Variants in WDR70 observed in about 807,000 individuals in gnomAD.
WDR70 encodes the protein WD repeat domain 70, also known as WD repeat-containing protein 70.
In WDR70, 53 loss-of-function variants were observed where a neutral mutation model predicts 88.6. The observed-to-expected ratio is 0.60, with a 90% CI of 0.48 to 0.75. The LOEUF (loss-of-function observed/expected upper bound fraction) is 0.75, where lower values mean the gene tolerates loss of function less well. Among genes scored for constraint, WDR70 ranks in the 30% least tolerant of loss-of-function variants. The pLI, the probability that WDR70 is intolerant of heterozygous loss-of-function variation, is 0.00. For missense variants in WDR70, 610 were observed against 823.2 expected (o/e 0.74, Z 3.17); for synonymous variants, 280 against 270.0 (o/e 1.04, Z -0.36).
intron 9 of WDR70, among the ~76,000 whole-genome samples, chr5:37,531,807 T>G (rs1741496917): frequency 6.8e-6 from 1 of 148,120 alleles, no homozygotes; most frequent in African/African-American, 2.5e-5. Context: ...TGCTATTTGT[T>G]GCCTGAATAC....
chr5:37,441,750 AG>A (rs1214445033), intron 6 of WDR70, among the ~76,000 whole-genome samples: 2 of 142,086 alleles, frequency 1.4e-5, no homozygotes, highest in African/African-American at 6.2e-5. Context: ...CCCAGCAGGC[AG>A]AAGTTGCAGT....
intron 17 of WDR70, among the ~76,000 whole-genome samples, chr5:37,749,196 TG>T: frequency 6.6e-6 from 1 of 152,280 alleles, no homozygotes; most frequent in Non-Finnish European, 1.5e-5. Context: ...AGCAAAGACA[TG>T]GAACTAACCC....
intron 9 of WDR70, among the ~76,000 whole-genome samples, chr5:37,560,951 A>G (rs1435186789): frequency 6.6e-6 from 1 of 151,830 alleles, no homozygotes; most frequent in Admixed American, 6.6e-5. Flanking sequence ...AGCTAGGACT[A>G]TAGGTGCAGA....
chr5:37,471,552 T>C (rs1739327357), intron 7 of WDR70, among the ~76,000 whole-genome samples: 1 of 151,870 alleles, frequency 6.6e-6, no homozygotes, highest in African/African-American at 2.4e-5. Flanking sequence ...TCACTCGCAA[T>C]TTTTGGCTTG....
intron 10 of WDR70, among the ~76,000 whole-genome samples, chr5:37,670,427 G>A (rs538198649): frequency 2.7e-4 from 41 of 152,220 alleles, no homozygotes; most frequent in African/African-American, 9.2e-4. Context: ...AGCAAGTCGC[G>A]TGTCCATACC....
intron 8 of WDR70, among the ~76,000 whole-genome samples, chr5:37,485,858 A>ATTTTTTTTTTTTTTTTTTTTTTTTTT (rs57109943): frequency 2.8e-5 from 3 of 108,284 alleles, no homozygotes; most frequent in African/African-American, 1.2e-4. Flanking sequence ...TGCCTGGCTA[A>ATTTTTTTTTTTTTTTTTTTTTTTTTT]TTTTTTTTTT....
chr5:37,465,525 AC>A (rs964855593), intron 7 of WDR70, among the ~76,000 whole-genome samples: 2 of 152,184 alleles, frequency 1.3e-5, no homozygotes, highest in African/African-American at 4.8e-5. Flanking sequence ...GTGCAGAAAA[AC>A]AGTTTTATTG....
At chr5:37,566,437 T>C (rs974027887) in intron 9 of WDR70, among the ~76,000 whole-genome samples, 9 of 152,124 alleles carry the variant, frequency 5.9e-5, no homozygotes, top group African/African-American at 1.9e-4. Flanking sequence ...TTTTTTTTTC[T>C]TTAACCCCCA....
intron 9 of WDR70, among the ~76,000 whole-genome samples, chr5:37,552,590 A>G (rs951844741): frequency 2.6e-5 from 4 of 152,258 alleles, no homozygotes; most frequent in African/African-American, 9.6e-5. Context: ...GTGCAGGAAT[A>G]AGAGGCAAAA....
intron 7 of WDR70, among the ~76,000 whole-genome samples, chr5:37,447,183 A>G (rs111508033): frequency 0.02 from 2,975 of 152,366 alleles, 89 homozygotes; most frequent in African/African-American, 0.067. Context: ...AGACACATGA[A>G]AAAATGCTCA....
At chr5:37,442,130 C>T (rs1212827182) in intron 6 of WDR70, among the ~76,000 whole-genome samples, 2 of 151,110 alleles carry the variant, frequency 1.3e-5, no homozygotes, top group Non-Finnish European at 2.9e-5. Flanking sequence ...CTCTGCCTCC[C>T]GAGTTCAAGC....
intron 17 of WDR70, among the ~76,000 whole-genome samples, chr5:37,734,549 G>C (rs538448387): frequency 5.3e-5 from 8 of 152,108 alleles, no homozygotes; most frequent in African/African-American, 1.9e-4. Context: ...ATAATGCTAA[G>C]AAGAAAACTA....
intron 9 of WDR70, among the ~76,000 whole-genome samples, chr5:37,561,849 T>C (rs1454445462): frequency 2.0e-5 from 3 of 152,196 alleles, no homozygotes; most frequent in Non-Finnish European, 4.4e-5. Flanking sequence ...TTGCTATTTA[T>C]GTAAATATTG....
chr5:37,404,594 C>A (rs1416398632), intron 5 of WDR70, among the ~76,000 whole-genome samples: 2 of 152,088 alleles, frequency 1.3e-5, no homozygotes, highest in East Asian at 3.9e-4. Context: ...ATTTTTATAT[C>A]CTTGTAGTGC....
chr5:37,475,664 T>C (rs544727040), intron 7 of WDR70, among the ~76,000 whole-genome samples: 46 of 152,298 alleles, frequency 3.0e-4, no homozygotes, highest in African/African-American at 1.1e-3. Context: ...AAATAAATTG[T>C]CTTTTTTATG....
At chr5:37,602,635 GAAAA>G (rs796596167) in intron 9 of WDR70, among the ~76,000 whole-genome samples, 1 of 134,536 alleles carries the variant, frequency 7.4e-6, no homozygotes, top group Non-Finnish European at 1.6e-5. Flanking sequence ...CAAAAAAAAA[GAAAA>G]AAAAAAGGAA....
intron 5 of WDR70, among the ~76,000 whole-genome samples, chr5:37,426,557 T>G (rs1292973539): frequency 2.0e-5 from 3 of 152,190 alleles, no homozygotes; most frequent in African/African-American, 7.2e-5. Flanking sequence ...ACGGCCTTAC[T>G]TACATAGCGG....
At chr5:37,413,663 A>C (rs201512869) in intron 5 of WDR70, among the ~76,000 whole-genome samples, 1 of 147,562 alleles carries the variant, frequency 6.8e-6, no homozygotes, top group Non-Finnish European at 1.5e-5. Flanking sequence ...CGGAGGTTGC[A>C]GTGAGCCGAG....
At chr5:37,494,421 A>G (rs1740156675) in intron 8 of WDR70, among the ~76,000 whole-genome samples, 1 of 152,226 alleles carries the variant, frequency 6.6e-6, no homozygotes, top group African/African-American at 2.4e-5. Flanking sequence ...AGTCTTATTC[A>G]GGAGCCTAGG....
Sources: gnomAD v4.1 joint callset for allele counts (sites outside exome capture counted in the v4.1 genomes callset) on GRCh38, gnomAD v4.1.1 for gene constraint, MANE v1.5 for transcripts, NCBI Gene and HGNC (gene_info 2026-07-23, HGNC 2026-07-21) for gene names.